The following MAP2K4 variants were observed in gnomAD, a reference collection of about 807,000 sequenced individuals.
MAP2K4 encodes the protein dual specificity mitogen-activated protein kinase kinase 4.
In MAP2K4, 4 loss-of-function variants were observed where a neutral mutation model predicts 48.5. The ratio of observed to expected loss-of-function variants is 0.08; its 90% CI spans 0.04 to 0.19. The LOEUF (loss-of-function observed/expected upper bound fraction) is 0.19. Among genes scored for constraint, MAP2K4 ranks in the 10% least tolerant of loss-of-function variants. MAP2K4 has a pLI of 1.00. For synonymous variants in MAP2K4, 166 were observed against 173.1 expected (o/e 0.96, Z 0.32); for missense variants, 258 against 493.3 (o/e 0.52, Z 4.52).
chr17:12,061,721 G>C (rs1340036483), intron 2 of MAP2K4, among the ~76,000 whole-genome samples: 1 of 152,158 alleles, frequency 6.6e-6, no homozygotes, highest in Non-Finnish European at 1.5e-5. Flanking sequence ...AGATACATCT[G>C]ACTTCTTAGC....
intron 2 of MAP2K4, among the ~76,000 whole-genome samples, chr17:12,077,823 A>G (rs1232130468): frequency 2.0e-5 from 3 of 152,180 alleles, no homozygotes; most frequent in Non-Finnish European, 2.9e-5. Flanking sequence ...TGGAGAGTCC[A>G]AGATTAAGGT....
chr17:12,092,699 A>G (rs1425511362), intron 3 of MAP2K4, among the ~76,000 whole-genome samples: 1 of 152,202 alleles, frequency 6.6e-6, no homozygotes, highest in African/African-American at 2.4e-5. Flanking sequence ...CATATGATAA[A>G]TGTTACAGTT....
chr17:12,133,905 G>T (rs1375796689), intron 9 of MAP2K4, among the ~76,000 whole-genome samples: 2 of 152,192 alleles, frequency 1.3e-5, no homozygotes, highest in African/African-American at 4.8e-5. Flanking sequence ...TTGAGGAAAT[G>T]CCTTCTGTGC....
chr17:12,042,167 C>G (rs201170609), intron 1 of MAP2K4, among the ~76,000 whole-genome samples: 1 of 55,384 alleles, frequency 1.8e-5, no homozygotes, highest in African/African-American at 6.9e-5. Context: ...AACTTTGTCT[C>G]AAAAAAAAAA....
At chr17:12,099,156 T>C (rs559237782) in intron 4 of MAP2K4, among the ~76,000 whole-genome samples, 2 of 152,138 alleles carry the variant, frequency 1.3e-5, no homozygotes, top group African/African-American at 4.8e-5. Flanking sequence ...GTATTTGTCT[T>C]TCTGTTTCTG....
chr17:12,050,558 A>G (rs1970106353), intron 1 of MAP2K4, among the ~76,000 whole-genome samples: 2 of 152,166 alleles, frequency 1.3e-5, no homozygotes, highest in South Asian at 4.1e-4. Flanking sequence ...GCTTTTGGTA[A>G]CCTAGATTGC....
At chr17:12,044,673 G>C (rs1466948912) in intron 1 of MAP2K4, among the ~76,000 whole-genome samples, 2 of 152,132 alleles carry the variant, frequency 1.3e-5, no homozygotes, top group African/African-American at 4.8e-5. Flanking sequence ...ATACCAGCTG[G>C]GTGTCCTCCA....
chr17:12,088,625 A>G (rs925265642), intron 3 of MAP2K4, among the ~76,000 whole-genome samples: 2 of 138,150 alleles, frequency 1.4e-5, no homozygotes, highest in African/African-American at 2.6e-5. Flanking sequence ...AAAGATTAAG[A>G]TAATCTTTGT....
intron 2 of MAP2K4, among the ~76,000 whole-genome samples, chr17:12,067,598 G>T (rs1471238614): frequency 4.6e-5 from 7 of 152,166 alleles, no homozygotes; most frequent in Admixed American, 1.3e-4. Flanking sequence ...TATAAGAGGT[G>T]TATTCCTTGG....
intron 4 of MAP2K4, among the ~76,000 whole-genome samples, chr17:12,105,262 C>A (rs919659139): frequency 3.9e-5 from 6 of 152,060 alleles, no homozygotes; most frequent in Admixed American, 3.9e-4. Flanking sequence ...GAGAATTTGA[C>A]GTGCTTCTCA....
intron 2 of MAP2K4, among the ~76,000 whole-genome samples, chr17:12,062,734 A>G (rs1049426212): frequency 2.0e-5 from 3 of 152,172 alleles, no homozygotes; most frequent in East Asian, 1.9e-4. Flanking sequence ...TATTTCGACA[A>G]TGTTTTCTAT....
chr17:12,091,059 A>G (rs1971544995), intron 3 of MAP2K4, among the ~76,000 whole-genome samples: 1 of 152,190 alleles, frequency 6.6e-6, no homozygotes, highest in Admixed American at 6.5e-5. Flanking sequence ...GTGAAGAGAG[A>G]GCTCCCCTGG....
In MAP2K4 at chr17:12,141,241, C is replaced by G; in HGVS notation, c.1181C>G (p.Ser394Cys). ...GATCAAATGCCAGCTACTCCCAGCTCTCCCATGTATGTCGATTGATATCGC... is the reference window on the plus strand; with the variant it reads ...GATCAAATGCCAGCTACTCCCAGCTGTCCCATGTATGTCGATTGATATCGC... ...ILDQMPATPS[S>C]PMYVD The change falls in exon 11 of 11, where the codon TCT becomes TGT. Residue 394 changes from serine to cysteine, a missense_variant. Transcript: ENST00000353533. 6.2e-7 allele frequency: 1 copy of G among 1,613,334 alleles called. No individual in the cohort carries two copies. Among genetic ancestry groups the G allele is most frequent in the South Asian group, 1.1e-5 (1 of 91,080 alleles).
Position 12,141,327 on chromosome 17 carries a change from C to G in MAP2K4, c.*67C>G. 9.0e-7 allele frequency: 1 copy of G among 1,105,394 alleles called. No individual in the cohort carries two copies. The highest frequency in any genetic ancestry group is 1.4e-6 in the Non-Finnish European group (1 of 718,132). 68.5% of individuals were successfully genotyped at this position (1,105,394 alleles called of 1,614,324 possible). ...AAGCAAGACGTAAAGAATTTTCATC[C>G]CGTATCACAGTGTTTTTATTGCTCG... On this transcript the variant is annotated 3_prime_UTR_variant, in exon 11 of 11. Transcript: ENST00000353533.
At chr17:12,060,798 T>C (rs1186873239) in intron 2 of MAP2K4, among the ~76,000 whole-genome samples, 1 of 152,134 alleles carries the variant, frequency 6.6e-6, no homozygotes, top group Non-Finnish European at 1.5e-5. Context: ...GAATCTTTTT[T>C]CTTACTGTAG....
chr17:12,132,658 C>A lies in MAP2K4; in HGVS notation c.1040+3371C>A, dbSNP rs28921081. On this transcript the variant is annotated intron_variant, in intron 9 of 10. Coordinates refer to ENST00000353533, the MANE Select transcript of MAP2K4 (RefSeq NM_003010.4). ...TAATGGTTCAAAAGGAAGACCTTGC[C>A]GACTGAGGTGTCTGAGCGCTCAGCA... 7.5e-3 allele frequency among the ~76,000 whole-genome samples: 1,139 copies of A among 151,612 alleles called. 11 individuals carry two copies. The highest frequency in any genetic ancestry group is 0.026 in the African/African-American group (1,075 of 41,346).
intron 7 of MAP2K4, among the ~76,000 whole-genome samples, chr17:12,121,401 A>G (rs1972683364): frequency 6.6e-6 from 1 of 152,062 alleles, no homozygotes; most frequent in South Asian, 2.1e-4. Flanking sequence ...CAGATTTCCC[A>G]TATGTCAAAA....
intron 2 of MAP2K4, among the ~76,000 whole-genome samples, chr17:12,072,232 G>A (rs1056300034): frequency 6.6e-6 from 1 of 152,122 alleles, no homozygotes; most frequent in African/African-American, 2.4e-5. Flanking sequence ...ATACTTTTTT[G>A]AAAGTGTTAC....
intron 2 of MAP2K4, among the ~76,000 whole-genome samples, chr17:12,071,110 G>C (rs1970791599): frequency 6.6e-6 from 1 of 152,114 alleles, no homozygotes; most frequent in Non-Finnish European, 1.5e-5. Flanking sequence ...CCTTTTCTTT[G>C]TTTGGTCTCC....
Sources: gnomAD v4.1 joint callset for allele counts (sites outside exome capture counted in the v4.1 genomes callset) on GRCh38, gnomAD v4.1.1 for gene constraint, MANE v1.5 for transcripts, NCBI Gene and HGNC (gene_info 2026-07-23, HGNC 2026-07-21) for gene names.